The following JADE2 variants were observed in gnomAD, a reference collection of about 807,000 sequenced individuals.
JADE2 encodes the protein jade family PHD finger 2.
JADE2 carries 13 observed loss-of-function variants against 85.7 expected under a neutral mutation model. The ratio of observed to expected loss-of-function variants is 0.15; its 90% CI spans 0.10 to 0.24. The LOEUF is 0.24. Among genes scored for constraint, JADE2 ranks in the 10% least tolerant of loss-of-function variants. The pLI is 1.00. For synonymous variants in JADE2, 440 were observed against 456.1 expected, an observed-to-expected ratio of 0.96 and a Z score of 0.45; for missense variants, 846 against 1,115.9, an observed-to-expected ratio of 0.76 and a Z score of 3.45.
At chr5:134,526,544 G>C in intron 1 of JADE2, 1 of 985,384 alleles carries the variant, frequency 1.0e-6, no homozygotes, top group Non-Finnish European at 1.2e-6. Flanking sequence ...CGCCGAACCG[G>C]GCTGAGCCGG....
intron 3 of JADE2, among the ~76,000 whole-genome samples, chr5:134,547,549 A>C (rs979857953): frequency 1.3e-5 from 2 of 152,234 alleles, no homozygotes; most frequent in East Asian, 3.8e-4. Flanking sequence ...AGTTTTCATA[A>C]ATCATTCAAA....
upstream of JADE2, chr5:134,525,529 G>C (rs1213024157): frequency 3.1e-6 from 1 of 319,642 alleles, no homozygotes; most frequent in African/African-American, 2.3e-5. Flanking sequence ...CGGGGGTGTC[G>C]GGAGCGGAGA....
At chr5:134,525,624 T>TAGATC (rs1447187510), upstream of JADE2, 3 of 526,166 alleles carry the variant, frequency 5.7e-6, no homozygotes, top group East Asian at 3.8e-4. Flanking sequence ...CAACACATTT[T>TAGATC]TTTTTTCTAA....
intron 3 of JADE2, among the ~76,000 whole-genome samples, chr5:134,538,433 AT>A (rs758336797): frequency 2.0e-5 from 3 of 152,186 alleles, no homozygotes; most frequent in Non-Finnish European, 4.4e-5. Context: ...TAGCAGTGGA[AT>A]GAGAAGCAGC....
At chr5:134,546,899 G>A (rs1762327423) in intron 3 of JADE2, among the ~76,000 whole-genome samples, 1 of 152,158 alleles carries the variant, frequency 6.6e-6, no homozygotes, top group Non-Finnish European at 1.5e-5. Flanking sequence ...CTGTGATACA[G>A]TAGTTCACCC....
At chr5:134,543,985 A>G (rs1352282792) in intron 3 of JADE2, among the ~76,000 whole-genome samples, 3 of 152,246 alleles carry the variant, frequency 2.0e-5, no homozygotes, top group African/African-American at 7.2e-5. Flanking sequence ...TGTGAAGGAC[A>G]GTTCTGGGAG....
chr5:134,579,321 A>G lies in JADE2; in HGVS notation c.*4A>G. 6.4e-7 allele frequency: 1 copy of G among 1,573,428 alleles called. No homozygotes were observed. The highest frequency in any genetic ancestry group is 1.2e-5 in the South Asian group (1 of 85,448). ...CATGGGCGTACTGGCCTCCTAACTC[A>G]CCCCCTTCCCTGTCCCAGGCCCTGC... is the stretch of plus-strand genomic sequence containing the variant. On this transcript the variant is annotated 3_prime_UTR_variant, in exon 12 of 12. Transcript: ENST00000681547. The surrounding 1 kb of genome is among the most constrained non-coding windows in gnomAD (Gnocchi z 4.6).
intron 3 of JADE2, chr5:134,544,678 C>T: frequency 6.2e-6 from 1 of 160,358 alleles, no homozygotes. Flanking sequence ...GTTGCATGTA[C>T]CACTGAGGCC....
chr5:134,547,754 G>C (rs1243921384), intron 3 of JADE2, among the ~76,000 whole-genome samples: 2 of 152,228 alleles, frequency 1.3e-5, no homozygotes, highest in African/African-American at 4.8e-5. Flanking sequence ...GCTGGCCCAT[G>C]GAAGGATCTT....
rs746209708 is a variant in JADE2 at position 134,525,738 on chromosome 5, G to A, written c.-274G>A. On this transcript the variant is annotated 5_prime_UTR_variant, in exon 1 of 12. Transcript: ENST00000681547. Reference sequence around the variant, plus strand: ...ATCGCAGTTGGAGGCTATTTTTTGGGGGGGGTGAGTAGCGTCCATGGAGTT... The same window carrying A: ...ATCGCAGTTGGAGGCTATTTTTTGGAGGGGGTGAGTAGCGTCCATGGAGTT... The A allele has an allele frequency of 8.1e-7, 1 of 1,232,008 alleles. No homozygotes were observed. Among genetic ancestry groups the A allele is most frequent in the African/African-American group, 1.6e-5 (1 of 61,028 alleles). The allele number at this position is 1,232,008 out of a possible 1,614,324, so 76.3% of individuals were successfully genotyped here. A position where few individuals can be genotyped will look rare whatever the true frequency, so the allele number is the denominator to read the frequency against.
intron 3 of JADE2, among the ~76,000 whole-genome samples, chr5:134,539,326 G>A (rs1279721191): frequency 2.0e-5 from 3 of 152,154 alleles, no homozygotes; most frequent in African/African-American, 7.2e-5. Context: ...GCCTCCCAAA[G>A]TGCTGGGATT....
intron 7 of JADE2, chr5:134,564,163 CCT>C (rs1390593680): frequency 5.2e-6 from 1 of 192,216 alleles, no homozygotes; most frequent in East Asian, 1.3e-4. Context: ...CACCAAAGCA[CCT>C]GTCTGTCAAG....
At chr5:134,569,439 C>T (rs1227369870) in intron 9 of JADE2, among the ~76,000 whole-genome samples, 1 of 152,226 alleles carries the variant, frequency 6.6e-6, no homozygotes, top group Non-Finnish European at 1.5e-5. Flanking sequence ...CAGCCTTGGG[C>T]CTCGGCCCCA....
intron 8 of JADE2, among the ~76,000 whole-genome samples, chr5:134,565,212 A>G (rs1348553152): frequency 6.6e-6 from 1 of 152,224 alleles, no homozygotes; most frequent in East Asian, 1.9e-4. Flanking sequence ...GGGGGGAGTC[A>G]TCCTTTGTCC....
At chr5:134,547,376 G>C (rs1294519708) in intron 3 of JADE2, among the ~76,000 whole-genome samples, 1 of 152,216 alleles carries the variant, frequency 6.6e-6, no homozygotes, top group African/African-American at 2.4e-5. Flanking sequence ...AGCAGAACTT[G>C]GTTGCTAGGC....
Position 134,582,075 on chromosome 5 carries a change from G to A in JADE2, c.*2758G>A, listed in dbSNP as rs1028858397. 2 of 152,204 alleles carry A rather than the reference G, an allele frequency of 1.3e-5. No homozygotes were observed. Among genetic ancestry groups the A allele is most frequent in the Admixed American group, 6.5e-5 (1 of 15,274 alleles). The allele number at this position is 152,204 out of a possible 1,614,324, so 9.4% of individuals were successfully genotyped here. A position where few individuals can be genotyped will look rare whatever the true frequency, so the allele number is the denominator to read the frequency against. On this transcript the variant is annotated 3_prime_UTR_variant, in exon 12 of 12. Coordinates refer to ENST00000681547, the MANE Select transcript of JADE2 (RefSeq NM_001388185.1). ...CCTCCACACACAGCTCCTCCGCAGGGAAGGAGAAGCTGCTCTGTAACTCAT... is the reference window on the plus strand; with the variant it reads ...CCTCCACACACAGCTCCTCCGCAGGAAAGGAGAAGCTGCTCTGTAACTCAT...
At chr5:134,526,207 C>T in intron 1 of JADE2, 196 bp downstream of exon 1, 1 of 985,368 alleles carries the variant, frequency 1.0e-6, no homozygotes, top group Non-Finnish European at 1.2e-6. Flanking sequence ...AGAGAGATTG[C>T]GCATGTTGGT....
intron 4 of JADE2, among the ~76,000 whole-genome samples, chr5:134,556,279 A>C (rs1762908480): frequency 6.6e-6 from 1 of 152,222 alleles, no homozygotes; most frequent in Admixed American, 6.5e-5. Flanking sequence ...GGGGGTGGGA[A>C]GAGCTGGCTT....
At chr5:134,541,865 G>A (rs1761982741) in intron 3 of JADE2, among the ~76,000 whole-genome samples, 1 of 152,262 alleles carries the variant, frequency 6.6e-6, no homozygotes, top group South Asian at 2.1e-4. Flanking sequence ...CAAGTGAGGT[G>A]CCTCAGGGCT....
Sources: gnomAD v4.1 joint callset for allele counts (sites outside exome capture counted in the v4.1 genomes callset) on GRCh38, gnomAD v4.1.1 for gene constraint, Gnocchi (gnomAD v3.1) non-coding constraint, MANE v1.5 for transcripts, NCBI Gene and HGNC (gene_info 2026-07-23, HGNC 2026-07-21) for gene names.